The following VPS53 variants were observed in gnomAD, a reference collection of about 807,000 sequenced individuals.
The protein encoded by VPS53 is vacuolar protein sorting-associated protein 53 homolog.
Under a neutral mutation model 107.0 loss-of-function variants are expected in VPS53, and 70 were observed. The ratio of observed to expected loss-of-function variants is 0.65; its 90% CI spans 0.54 to 0.80. The LOEUF (loss-of-function observed/expected upper bound fraction) is 0.80. Ranked by LOEUF, VPS53 falls within the 30% of genes least tolerant of loss-of-function variation. The pLI is 0.00. For synonymous variants in VPS53, 409 were observed against 393.3 expected, an observed-to-expected ratio of 1.04 and a Z score of -0.47; for missense variants, 917 against 1,049.4, an observed-to-expected ratio of 0.87 and a Z score of 1.74.
rs545590104 is a variant in VPS53, at chr17:524,766, C to T, written c.2086-3028G>A. On this transcript the variant is annotated intron_variant, in intron 19 of 21. Transcript: ENST00000437048. This position sits in a 1 kb window ranked among gnomAD's most constrained non-coding sequence, Gnocchi z 4.5. Reference sequence around the variant, plus strand: ...CATGGCACTGAAATTCACAAATGTACACCGTAATACACCCATCAGAGTCAG... The same window carrying T: ...CATGGCACTGAAATTCACAAATGTATACCGTAATACACCCATCAGAGTCAG... Among the ~76,000 whole-genome samples the T allele has an allele frequency of 1.1e-3, 165 of 152,192 alleles. 1 individual carries two copies. The highest frequency in any genetic ancestry group is 3.6e-3 in the African/African-American group (150 of 41,508).
intron 4 of VPS53, among the ~76,000 whole-genome samples, chr17:667,111 G>A (rs969206023): frequency 6.6e-6 from 1 of 152,160 alleles, no homozygotes; most frequent in African/African-American, 2.4e-5. Context: ...ACCTGTTTTT[G>A]TAAACAATGT....
chr17:676,095 TA>T (rs1227674200), intron 4 of VPS53: 6 of 152,190 alleles, frequency 3.9e-5, no homozygotes, highest in African/African-American at 1.2e-4. Context: ...TTTGCAAAAC[TA>T]ATCTCCTTCC....
At chr17:574,912 C>G (rs1402555207) in intron 13 of VPS53, among the ~76,000 whole-genome samples, 1 of 152,198 alleles carries the variant, frequency 6.6e-6, no homozygotes, top group East Asian at 1.9e-4. Context: ...AGGCAAATAA[C>G]CAATCCTTTT....
At chr17:565,435 A>G (rs1245442427) in intron 13 of VPS53, among the ~76,000 whole-genome samples, 3 of 151,424 alleles carry the variant, frequency 2.0e-5, no homozygotes, top group African/African-American at 7.3e-5. Context: ...AAGAAAGAAA[A>G]GAAAAAGAAA....
Position 517,165 on chromosome 17 carries a change from G to A in VPS53, c.*1963C>T. ...GGGCTTCCTGGGGGCTCTCCCGACT[G>A]CCGCCCCCCGCCCTTGTCTTATTTG... On this transcript the variant is annotated 3_prime_UTR_variant, in exon 22 of 22. Transcript: ENST00000437048. 1 of 305,816 alleles carries A rather than the reference G, an allele frequency of 3.3e-6. No individual in the cohort carries two copies. Among genetic ancestry groups the A allele is most frequent in the East Asian group, 5.1e-5 (1 of 19,630 alleles). 18.9% of individuals were successfully genotyped at this position (305,816 alleles called of 1,614,324 possible). A position where few individuals can be genotyped will look rare whatever the true frequency, so the allele number is the denominator to read the frequency against.
rs1973792216 is a variant in VPS53, at chr17:714,812, T to A, written c.-103A>T. The A allele has an allele frequency of 1.5e-6, 2 of 1,313,150 alleles. No individual in the cohort carries two copies. The highest frequency in any genetic ancestry group is 1.7e-5 in the Admixed American group (1 of 57,836). 81.3% of individuals were successfully genotyped at this position (1,313,150 alleles called of 1,614,324 possible). A position where few individuals can be genotyped will look rare whatever the true frequency, so the allele number is the denominator to read the frequency against. On this transcript the variant is annotated 5_prime_UTR_variant, in exon 1 of 22. Transcript: ENST00000437048. ...CAACTCCCTCGCGGCAGCGACCTGG[T>A]GAGCCCGGCTCCGTCAGCCGCTCTG... is the stretch of plus-strand genomic sequence containing the variant.
intron 13 of VPS53, among the ~76,000 whole-genome samples, chr17:573,525 T>C (rs1914351664): frequency 6.6e-6 from 1 of 152,128 alleles, no homozygotes; most frequent in South Asian, 2.1e-4. Flanking sequence ...AAGAGAAATC[T>C]GGCCACACTG....
intron 8 of VPS53, among the ~76,000 whole-genome samples, chr17:629,932 A>G (rs1212729232): frequency 6.6e-6 from 1 of 152,056 alleles, no homozygotes; most frequent in Non-Finnish European, 1.5e-5. Flanking sequence ...TGGGAAAAAA[A>G]ATATAAAGCA....
At chr17:638,601 G>T (rs1330410592) in intron 7 of VPS53, among the ~76,000 whole-genome samples, 2 of 152,048 alleles carry the variant, frequency 1.3e-5, no homozygotes, top group African/African-American at 4.8e-5. Flanking sequence ...GCTCTTGTAG[G>T]GCAGGCCTGG....
At chr17:593,385 G>A (rs1256157813) in intron 12 of VPS53, among the ~76,000 whole-genome samples, 2 of 152,028 alleles carry the variant, frequency 1.3e-5, no homozygotes, top group Non-Finnish European at 2.9e-5. Flanking sequence ...TACAAAATGG[G>A]AGAAAATTTT....
chr17:654,597 C>G (rs986861970), intron 6 of VPS53, among the ~76,000 whole-genome samples: 14 of 151,590 alleles, frequency 9.2e-5, no homozygotes, highest in African/African-American at 2.9e-4. Flanking sequence ...ATTAACCGGG[C>G]TTAGTGGCGG....
intron 3 of VPS53, 53 bp from the exon 4 acceptor site, chr17:697,537 G>T: frequency 6.9e-7 from 1 of 1,448,372 alleles, no homozygotes; most frequent in South Asian, 1.2e-5. Flanking sequence ...ATTCTAGGTT[G>T]ACCAAAAGAA....
intron 9 of VPS53, 127 bp downstream of exon 9, chr17:627,961 C>A: frequency 2.1e-6 from 2 of 946,922 alleles, no homozygotes; most frequent in Non-Finnish European, 3.1e-6. Context: ...GCCCCTAGGA[C>A]TCACAGCTCA....
At chr17:646,895 C>T (rs1349642412) in intron 7 of VPS53, among the ~76,000 whole-genome samples, 3 of 151,806 alleles carry the variant, frequency 2.0e-5, no homozygotes, top group African/African-American at 7.3e-5. Context: ...TCTCCGTGAC[C>T]GCGTGGCCAC....
At position 566,661 on chromosome 17, in the gene VPS53, A is replaced by G. The variant is rs192049078; in HGVS notation, c.1314-3916T>C. ...GATTCCCCTGGGGTCTTCTTATGAGATTCTAATCTCTAAATTGATAGTGCC... is the reference window on the plus strand; with the variant it reads ...GATTCCCCTGGGGTCTTCTTATGAGGTTCTAATCTCTAAATTGATAGTGCC... On this transcript the variant is annotated intron_variant, in intron 13 of 21. Transcript: ENST00000437048. Among the ~76,000 whole-genome samples, 431 of 152,220 alleles carry G rather than the reference A, an allele frequency of 2.8e-3. 1 individual carries two copies. Among genetic ancestry groups the G allele is most frequent in the African/African-American group, 9.7e-3 (404 of 41,554 alleles).
At chr17:555,853 G>A (rs554297527) in intron 15 of VPS53, among the ~76,000 whole-genome samples, 1 of 152,302 alleles carries the variant, frequency 6.6e-6, no homozygotes, top group South Asian at 2.1e-4. Context: ...AAAGTAAAAT[G>A]TCCATTAATA....
At chr17:597,518 G>T (rs571199732) in intron 12 of VPS53, among the ~76,000 whole-genome samples, 3 of 152,242 alleles carry the variant, frequency 2.0e-5, no homozygotes, top group Admixed American at 2.0e-4. Flanking sequence ...CCCATGAAAT[G>T]GTGGGTGGAT....
intron 2 of VPS53, among the ~76,000 whole-genome samples, chr17:700,589 AATT>A (rs1973160754): frequency 6.6e-6 from 1 of 152,256 alleles, no homozygotes. Flanking sequence ...TGTATTTTAT[AATT>A]ATTGACTATG....
chr17:653,489 C>T (rs1184936844), intron 6 of VPS53, 79 bp from the exon 7 acceptor site: 9 of 1,593,566 alleles, frequency 5.6e-6, no homozygotes, highest in Non-Finnish European at 7.7e-6. Flanking sequence ...CCCACGCTAG[C>T]TCTCAAACAG....
Sources: gnomAD v4.1 joint callset for allele counts (sites outside exome capture counted in the v4.1 genomes callset) on GRCh38, gnomAD v4.1.1 for gene constraint, Gnocchi (gnomAD v3.1) non-coding constraint, MANE v1.5 for transcripts, NCBI Gene and HGNC (gene_info 2026-07-23, HGNC 2026-07-21) for gene names.